The following WAPL variants were observed in gnomAD, a reference collection of about 807,000 sequenced individuals.
The protein encoded by WAPL is WAPL cohesin release factor, also known as wings apart-like protein homolog.
In WAPL, 5 loss-of-function variants were observed where a neutral mutation model predicts 121.0. The ratio of observed to expected loss-of-function variants is 0.04; its 90% CI spans 0.02 to 0.09. The LOEUF (loss-of-function observed/expected upper bound fraction) is 0.09. Ranked by LOEUF, WAPL falls within the 10% of genes least tolerant of loss-of-function variation. The pLI, the probability that WAPL is intolerant of heterozygous loss-of-function variation, is 1.00. For synonymous variants in WAPL, 480 were observed against 481.5 expected (o/e 1.00, Z 0.04); for missense variants, 999 against 1,410.8 (o/e 0.71, Z 4.68).
At chr10:86,446,504 T>C (rs774536512) in intron 15 of WAPL, 55 bp from the exon 16 acceptor site, 137 of 1,504,862 alleles carry the variant, frequency 9.1e-5, no homozygotes, top group Non-Finnish European at 1.2e-4. Flanking sequence ...TCAATATGCA[T>C]ATATGCAAAT....
intron 14 of WAPL, 139 bp downstream of exon 14, chr10:86,453,081 A>G: frequency 3.3e-6 from 1 of 306,858 alleles, no homozygotes; most frequent in Non-Finnish European, 6.1e-6. Context: ...AGAAACACAC[A>G]CAGTAAGTTC....
Position 86,473,895 on chromosome 10 carries a change from T to G in WAPL, c.1723A>C (p.Lys575Gln). The change falls in exon 5 of 19, where the codon AAA becomes CAA. Residue 575 changes from lysine to glutamine, a missense_variant. Lys to Gln is a moderately conservative substitution (Grantham distance 53). Coordinates refer to ENST00000298767, the MANE Select transcript of WAPL (RefSeq NM_015045.5). Reference sequence around the variant, plus strand: ...TCACTTACTGTGACACTCTGAGGTTTTACTACTGGTGGCCCAGGCAGTTCT... The same window carrying G: ...TCACTTACTGTGACACTCTGAGGTTGTACTACTGGTGGCCCAGGCAGTTCT... Reference protein sequence around the residue: ...SEELPGPPVVKPQSVTVRLSS... With the variant: ...SEELPGPPVVQPQSVTVRLSS... The G allele has an allele frequency of 2.5e-6, 4 of 1,613,878 alleles. No individual in the cohort carries two copies. In the South Asian group the frequency reaches 3.3e-5, roughly 13 times the overall value.
At chr10:86,510,445 G>A (rs1459303167) in intron 2 of WAPL, among the ~76,000 whole-genome samples, 1 of 152,180 alleles carries the variant, frequency 6.6e-6, no homozygotes, top group African/African-American at 2.4e-5. Flanking sequence ...TTATATAAAA[G>A]TGTTGTCATG....
intron 2 of WAPL, among the ~76,000 whole-genome samples, chr10:86,503,783 T>G (rs975255475): frequency 8.1e-5 from 12 of 148,484 alleles, no homozygotes; most frequent in Non-Finnish European, 1.5e-5. Context: ...ACATGAAAAA[T>G]GCTTATCATT....
At chr10:86,507,345 G>T (rs1342325428) in intron 2 of WAPL, among the ~76,000 whole-genome samples, 2 of 128,058 alleles carry the variant, frequency 1.6e-5, no homozygotes, top group African/African-American at 6.2e-5. Context: ...TCCAGCCTGG[G>T]CGTCAGCGAG....
intron 9 of WAPL, chr10:86,466,914 C>T (rs549582111): frequency 4.1e-5 from 9 of 220,462 alleles, no homozygotes; most frequent in Admixed American, 1.6e-4. Context: ...TCACCCAAGA[C>T]GGACCCAAAC....
chr10:86,502,477 C>T (rs1357737817), intron 2 of WAPL, among the ~76,000 whole-genome samples: 3 of 152,124 alleles, frequency 2.0e-5, no homozygotes, highest in African/African-American at 4.8e-5. Flanking sequence ...TCAAATACAA[C>T]ATCTTGAATT....
chr10:86,490,187 C>A (rs1295690071), intron 4 of WAPL, among the ~76,000 whole-genome samples: 3 of 151,536 alleles, frequency 2.0e-5, no homozygotes, highest in Admixed American at 6.6e-5. Context: ...ACACTCCAGC[C>A]TGGGGGACAG....
intron 17 of WAPL, among the ~76,000 whole-genome samples, chr10:86,439,282 CAT>C (rs1397458814): frequency 6.6e-6 from 1 of 152,180 alleles, no homozygotes; most frequent in Non-Finnish European, 1.5e-5. Context: ...CTAAAGTACT[CAT>C]GTGCTGAAGA....
At chr10:86,463,131 A>C (rs1841326829) in intron 9 of WAPL, among the ~76,000 whole-genome samples, 1 of 152,236 alleles carries the variant, frequency 6.6e-6, no homozygotes, top group African/African-American at 2.4e-5. Context: ...CACTAATCAG[A>C]AAATAAGAGG....
At chr10:86,502,250 T>C (rs577948527) in intron 2 of WAPL, among the ~76,000 whole-genome samples, 1 of 152,310 alleles carries the variant, frequency 6.6e-6, no homozygotes, top group South Asian at 2.1e-4. Flanking sequence ...ACCTGAATAC[T>C]ATGCAGTTGT....
chr10:86,500,281 G>A lies in WAPL; in HGVS notation c.962C>T (p.Ala321Val), dbSNP rs866541922. Residue 321 changes from alanine to valine, a missense_variant, in exon 3 of 19, where the codon GCC becomes GTC. Transcript: ENST00000298767. ...FDKLMDGTSQALAKANSESSK... is the reference protein window; with the variant it reads ...FDKLMDGTSQVLAKANSESSK... ...CGATTCACTGTTTGCTTTGGCTAAG[G>A]CCTGACTGGTGCCGTCCATCAGCTT... 6.2e-7 allele frequency: 1 copy of A among 1,614,170 alleles called. No homozygotes were observed. The highest frequency in any genetic ancestry group is 8.5e-7 in the Non-Finnish European group (1 of 1,180,034).
chr10:86,504,041 G>A (rs1842296703), intron 2 of WAPL, among the ~76,000 whole-genome samples: 1 of 152,134 alleles, frequency 6.6e-6, no homozygotes, highest in African/African-American at 2.4e-5. Context: ...AGGCGTGGTG[G>A]CACATGCCAG....
intron 3 of WAPL, among the ~76,000 whole-genome samples, chr10:86,498,528 A>G (rs1199229828): frequency 6.6e-6 from 1 of 152,204 alleles, no homozygotes; most frequent in Non-Finnish European, 1.5e-5. Flanking sequence ...CTCAAGAATG[A>G]CTTATATTCT....
intron 9 of WAPL, among the ~76,000 whole-genome samples, chr10:86,463,032 T>C (rs1281147391): frequency 2.0e-5 from 3 of 152,248 alleles, no homozygotes; most frequent in Non-Finnish European, 4.4e-5. Flanking sequence ...ATAGTCAGTA[T>C]ACTATAAGCT....
At chr10:86,518,890 G>A (rs1321564715) in intron 1 of WAPL, among the ~76,000 whole-genome samples, 12 of 152,054 alleles carry the variant, frequency 7.9e-5, no homozygotes, top group Admixed American at 7.9e-4. Context: ...TGTAATTTGC[G>A]CTGTGACTTT....
At chr10:86,497,442 C>T in intron 3 of WAPL, 123 bp from the exon 4 acceptor site, 1 of 737,604 alleles carries the variant, frequency 1.4e-6, no homozygotes, top group Non-Finnish European at 2.2e-6. Context: ...GAAATCACAG[C>T]ACCACAGAGC....
At chr10:86,512,720 G>C (rs1323303853) in intron 2 of WAPL, among the ~76,000 whole-genome samples, 5 of 152,206 alleles carry the variant, frequency 3.3e-5, no homozygotes, top group African/African-American at 9.6e-5. Flanking sequence ...TTTGCAGATA[G>C]AAACAGAAAT....
intron 4 of WAPL, among the ~76,000 whole-genome samples, chr10:86,479,440 G>T (rs527522835): frequency 2.0e-4 from 30 of 152,318 alleles, no homozygotes; most frequent in African/African-American, 7.0e-4. Context: ...TTCTAGTAGA[G>T]ATGGGGTTTT....
Sources: gnomAD v4.1 joint callset for allele counts (sites outside exome capture counted in the v4.1 genomes callset) on GRCh38, gnomAD v4.1.1 for gene constraint, MANE v1.5 for transcripts, NCBI Gene and HGNC (gene_info 2026-07-23, HGNC 2026-07-21) for gene names.